Variants in IRAK1BP1 observed in about 807,000 individuals in gnomAD.
IRAK1BP1 encodes interleukin-1 receptor-associated kinase 1-binding protein 1.
Under a neutral mutation model 28.0 loss-of-function variants are expected in IRAK1BP1, and 24 were observed. The ratio of observed to expected loss-of-function variants is 0.86; its 90% CI spans 0.62 to 1.20. The LOEUF (loss-of-function observed/expected upper bound fraction) is 1.20. Among genes scored for constraint, IRAK1BP1 ranks in the 50% most tolerant of loss-of-function variants. The pLI, the probability that IRAK1BP1 is intolerant of heterozygous loss-of-function variation, is 0.00. For missense variants in IRAK1BP1, 336 were observed against 316.7 expected, an observed-to-expected ratio of 1.06 and a Z score of -0.46; for synonymous variants, 131 against 116.3, an observed-to-expected ratio of 1.13 and a Z score of -0.81.
chr6:78,924,757 G>A lies in IRAK1BP1; in HGVS notation c.*68-20651G>A, dbSNP rs1057267975. On this transcript the variant is annotated intron_variant and NMD_transcript_variant, in intron 4 of 4. Transcript: ENST00000606868. Reference sequence around the variant, plus strand: ...GCTTCATCCCTGGGATGCAAGGCTGGTTCAATATATGCAAATCAACAAATG... The same window carrying A: ...GCTTCATCCCTGGGATGCAAGGCTGATTCAATATATGCAAATCAACAAATG... Among the ~76,000 whole-genome samples, 8 of 152,284 alleles carry A rather than the reference G, an allele frequency of 5.3e-5. No individual in the cohort carries two copies. The East Asian group carries it at 1.5e-3, about 29-fold the overall frequency.
chr6:78,923,144 T>C (rs974872155), intron 4 of IRAK1BP1, among the ~76,000 whole-genome samples: 15 of 151,802 alleles, frequency 9.9e-5, no homozygotes, highest in Non-Finnish European at 1.9e-4. Flanking sequence ...GGATAAAGAC[T>C]CAAGACCCAT....
chr6:78,897,256 T>TGA (rs1554189176), intron 2 of IRAK1BP1, among the ~76,000 whole-genome samples: 156 of 110,984 alleles, frequency 1.4e-3, no homozygotes, highest in African/African-American at 5.3e-3. Context: ...TTGTCTCTCT[T>TGA]AAAAAAAAAA....
At chr6:78,913,504 C>T (rs565714887) in intron 4 of IRAK1BP1, among the ~76,000 whole-genome samples, 2 of 151,930 alleles carry the variant, frequency 1.3e-5, no homozygotes, top group Admixed American at 6.6e-5. Flanking sequence ...AAATTAGCTG[C>T]GCATAGTGGC....
the IRAK1BP1 span, chr6:78,955,364 C>A: frequency 2.0e-6 from 2 of 980,796 alleles, no homozygotes; most frequent in East Asian, 2.5e-5. Context: ...CAATTATTTC[C>A]TTTACACACT....
At chr6:78,932,610 G>T (rs187327682) in intron 4 of IRAK1BP1, among the ~76,000 whole-genome samples, 2 of 151,778 alleles carry the variant, frequency 1.3e-5, no homozygotes, top group Admixed American at 1.3e-4. Flanking sequence ...GTAGAGACGG[G>T]GTTTCACCAC....
chr6:78,915,718 C>A (rs1398986398), intron 4 of IRAK1BP1, among the ~76,000 whole-genome samples: 1 of 152,234 alleles, frequency 6.6e-6, no homozygotes, highest in Non-Finnish European at 1.5e-5. Context: ...GTGGCTCACA[C>A]TGGCATGACA....
At chr6:78,906,850 G>A (rs969549058), downstream of IRAK1BP1, among the ~76,000 whole-genome samples, 5 of 151,994 alleles carry the variant, frequency 3.3e-5, no homozygotes, top group Non-Finnish European at 5.9e-5. Flanking sequence ...CCAAAAAGAG[G>A]TATTAATTAA....
chr6:78,952,334 G>A, the IRAK1BP1 span, among the ~76,000 whole-genome samples: 4 of 149,756 alleles, frequency 2.7e-5, no homozygotes, highest in African/African-American at 9.9e-5. Flanking sequence ...CAGGAGAATC[G>A]CTTGAATCCA....
intron 4 of IRAK1BP1, among the ~76,000 whole-genome samples, chr6:78,941,971 A>T (rs1440536289): frequency 6.6e-6 from 1 of 152,176 alleles, no homozygotes; most frequent in Non-Finnish European, 1.5e-5. Flanking sequence ...TTGTAGAAAA[A>T]AATGCTATAA....
intron 4 of IRAK1BP1, among the ~76,000 whole-genome samples, chr6:78,911,509 A>G (rs1031900094): frequency 2.9e-4 from 44 of 152,218 alleles, no homozygotes; most frequent in African/African-American, 1.0e-3. Flanking sequence ...AAACATCAAT[A>G]AAATGAAATT....
chr6:78,970,784 T>C, the IRAK1BP1 span: 3 of 1,586,652 alleles, frequency 1.9e-6, no homozygotes, highest in African/African-American at 1.3e-5. Context: ...GTCATACCCG[T>C]AGCTCCATTT....
the IRAK1BP1 span, chr6:78,970,987 T>C: frequency 1.4e-6 from 1 of 733,618 alleles, no homozygotes; most frequent in East Asian, 2.9e-5. Flanking sequence ...CTAATGCCTT[T>C]TCAGCTAATA....
At chr6:78,895,353 C>T (rs1771842202) in intron 2 of IRAK1BP1, among the ~76,000 whole-genome samples, 1 of 152,088 alleles carries the variant, frequency 6.6e-6, no homozygotes, top group African/African-American at 2.4e-5. Context: ...AGAAATATTT[C>T]CTAGCTCATT....
intron 4 of IRAK1BP1, chr6:78,940,556 T>G (rs1313352922): frequency 5.6e-6 from 1 of 177,964 alleles, no homozygotes; most frequent in Non-Finnish European, 1.1e-5. Context: ...TTGTTTTTTT[T>G]TTTTTTTTTT....
At chr6:78,922,028 C>T (rs1382129166) in intron 4 of IRAK1BP1, among the ~76,000 whole-genome samples, 1 of 152,148 alleles carries the variant, frequency 6.6e-6, no homozygotes, top group African/African-American at 2.4e-5. Context: ...TATCCTCCTC[C>T]AAAGGAACAC....
chr6:78,978,982 A>C, the IRAK1BP1 span, among the ~76,000 whole-genome samples: 5 of 152,116 alleles, frequency 3.3e-5, no homozygotes, highest in African/African-American at 1.2e-4. Context: ...GAATCCACAC[A>C]AATAAAATGA....
At position 78,867,807 on chromosome 6, in the gene IRAK1BP1, C is replaced by A. The variant is rs775563113; in HGVS notation, c.231C>A (p.Thr77=). Residue 77 remains threonine (T), a synonymous_variant, in exon 1 of 4, where the codon ACC becomes ACA. Transcript: ENST00000369940. The part of the protein sequence containing the change: ...RAQVVVRVSS[T]KEAAAEAKKS... The stretch of plus-strand genomic sequence containing the variant: ...AGGTGGTGGTGCGAGTGAGCAGCAC[C>A]AAGGAGGCGGCAGCCGAGGCCAAAA... The A allele has an allele frequency of 3.7e-6, 6 of 1,613,014 alleles. No homozygotes were observed. In the African/African-American group the frequency reaches 5.3e-5, roughly 14 times the overall value.
chr6:78,895,908 A>C (rs1176485384), intron 2 of IRAK1BP1, among the ~76,000 whole-genome samples: 1 of 152,240 alleles, frequency 6.6e-6, no homozygotes, highest in Non-Finnish European at 1.5e-5. Context: ...GGAAAGGAAG[A>C]AGTGCAACTA....
chr6:78,873,322 A>T (rs1232500577), intron 1 of IRAK1BP1, among the ~76,000 whole-genome samples: 1 of 148,420 alleles, frequency 6.7e-6, no homozygotes, highest in African/African-American at 2.5e-5. Context: ...AAATTTTCTC[A>T]GTTTTTTATT....
Sources: allele counts gnomAD v4.1 joint callset (sites outside exome capture counted in the v4.1 genomes callset), GRCh38; gene constraint gnomAD v4.1.1; transcripts MANE v1.5; gene names NCBI Gene and HGNC (gene_info 2026-07-23, HGNC 2026-07-21).